The following CARF variants were observed in gnomAD, a reference collection of about 807,000 sequenced individuals.
CARF encodes calcium responsive transcription factor.
A neutral mutation model predicts 82.0 loss-of-function variants in CARF; 57 were observed. The ratio of observed to expected loss-of-function variants is 0.70; its 90% CI spans 0.56 to 0.87. The LOEUF (loss-of-function observed/expected upper bound fraction) is 0.87. CARF is among the 40% of genes least tolerant of loss of function. The pLI is 0.00. For missense variants in CARF, 771 were observed against 855.8 expected, an observed-to-expected ratio of 0.90 and a Z score of 1.24; for synonymous variants, 268 against 290.1, an observed-to-expected ratio of 0.92 and a Z score of 0.77.
chr2:202,964,260 G>A (rs766849160), intron 9 of CARF, among the ~76,000 whole-genome samples: 18 of 151,838 alleles, frequency 1.2e-4, no homozygotes, highest in Non-Finnish European at 2.5e-4. Context: ...ATTGCCAGAT[G>A]TTTAAAAATC....
In CARF at chr2:202,941,987, A is replaced by T. The variant is rs755597893; in HGVS notation, c.78+7A>T. The T allele has an allele frequency of 1.9e-6, 3 of 1,611,830 alleles. No individual in the cohort carries two copies. In the South Asian group the frequency reaches 3.3e-5, roughly 18 times the overall value. ...CAGTGCTCAAGTATTTGAGGTATGG[A>T]TTCAGCTGGGAACCTTTTTCCATCC... On this transcript the variant is annotated splice_region_variant and intron_variant, in intron 4 of 16. Coordinates refer to ENST00000438828, the MANE Select transcript of CARF (RefSeq NM_024744.17).
chr2:202,970,203 G>A, intron 11 of CARF, 141 bp downstream of exon 11: 1 of 753,026 alleles, frequency 1.3e-6, no homozygotes, highest in Non-Finnish European at 2.0e-6. Flanking sequence ...AGTTCCCTAG[G>A]TATTAAATTG....
chr2:202,931,348 A>G (rs1352840630), intron 3 of CARF, among the ~76,000 whole-genome samples: 2 of 152,164 alleles, frequency 1.3e-5, no homozygotes, highest in African/African-American at 4.8e-5. Flanking sequence ...ACATAAAACT[A>G]TATGTTAATT....
At chr2:202,916,936 C>T (rs1001683203) in intron 1 of CARF, among the ~76,000 whole-genome samples, 1 of 152,030 alleles carries the variant, frequency 6.6e-6, no homozygotes, top group African/African-American at 2.4e-5. Context: ...GCTCGCCGGG[C>T]GCGGTGGCTC....
Position 202,960,129 on chromosome 2 carries a change from G to C in CARF, c.643-1108G>C, listed in dbSNP as rs551950247. ...TCTAGGTATATGCTTTTCAAAAGGG[G>C]AAGCATAGTTACTAAATTCTGTGCC... On this transcript the variant is annotated intron_variant, in intron 8 of 16. Transcript: ENST00000438828. Among the ~76,000 whole-genome samples the C allele has an allele frequency of 2.0e-5, 3 of 152,294 alleles. No homozygotes were observed. In the South Asian group the frequency reaches 6.2e-4, roughly 32 times the overall value.
At chr2:202,953,416 A>G (rs1050342033) in intron 6 of CARF, among the ~76,000 whole-genome samples, 5 of 151,498 alleles carry the variant, frequency 3.3e-5, no homozygotes, top group Non-Finnish European at 5.9e-5. Context: ...TCAGATTCAG[A>G]AAAGAGAATC....
chr2:202,931,571 A>G (rs954822898), intron 3 of CARF, among the ~76,000 whole-genome samples: 2 of 152,130 alleles, frequency 1.3e-5, no homozygotes. Flanking sequence ...TGGTGGAACA[A>G]TTGCCTTTTC....
At chr2:202,913,141 G>T (rs1688948494) in intron 1 of CARF, 39 bp downstream of exon 1, 2 of 152,082 alleles carry the variant, frequency 1.3e-5, no homozygotes, top group African/African-American at 4.8e-5. Context: ...CCTTTTTTAC[G>T]TTGTTTAAAG....
chr2:202,945,912 A>G (rs2058474789), intron 5 of CARF, among the ~76,000 whole-genome samples: 1 of 152,126 alleles, frequency 6.6e-6, no homozygotes, highest in Non-Finnish European at 1.5e-5. Flanking sequence ...GGTTGAACAA[A>G]TTTACACTCC....
chr2:202,943,587 T>TACACACACACACACAC lies in CARF; in HGVS notation c.306+648_306+663dup, dbSNP rs754214990. Among the ~76,000 whole-genome samples, 752 of 115,130 alleles carry TACACACACACACACAC rather than the reference T, an allele frequency of 6.5e-3. 13 individuals are homozygous for TACACACACACACACAC. Among genetic ancestry groups the TACACACACACACACAC allele is most frequent in the African/African-American group, 0.016 (483 of 30,860 alleles). The allele number at this position is 115,130 out of a possible 152,430, so 75.5% of individuals were successfully genotyped here. A position where few individuals can be genotyped will look rare whatever the true frequency, so the allele number is the denominator to read the frequency against. ...CATGGAACTTACATTTAATGGAATGTACACACACACACACACACACACACA... is the reference window on the plus strand; with the variant it reads ...CATGGAACTTACATTTAATGGAATGTACACACACACACACACACACACACACACACACACACACACA... On this transcript the variant is annotated intron_variant, in intron 5 of 16. Coordinates refer to ENST00000438828, the MANE Select transcript of CARF (RefSeq NM_024744.17).
chr2:202,947,475 G>A (rs749818470), intron 5 of CARF, among the ~76,000 whole-genome samples: 5 of 151,858 alleles, frequency 3.3e-5, no homozygotes, highest in African/African-American at 7.3e-5. Flanking sequence ...AGGGCCTGTC[G>A]GGGGGGTAGG....
At chr2:202,964,952 A>C (rs1432208764) in intron 9 of CARF, among the ~76,000 whole-genome samples, 1 of 150,880 alleles carries the variant, frequency 6.6e-6, no homozygotes, top group Non-Finnish European at 1.5e-5. Flanking sequence ...TTAATAAGAA[A>C]ATTAACAGTA....
At chr2:202,928,933 T>C (rs985832327) in intron 3 of CARF, among the ~76,000 whole-genome samples, 9 of 152,104 alleles carry the variant, frequency 5.9e-5, no homozygotes, top group African/African-American at 2.2e-4. Context: ...TTTCACCATG[T>C]TGTCTAGGCT....
At chr2:202,939,832 A>G (rs1225542206) in intron 3 of CARF, among the ~76,000 whole-genome samples, 4 of 150,086 alleles carry the variant, frequency 2.7e-5, no homozygotes, top group African/African-American at 9.8e-5. Context: ...GGGACTGCAG[A>G]CCCACACCAC....
At chr2:202,943,630 A>ACAC (rs58097475) in intron 5 of CARF, among the ~76,000 whole-genome samples, 1 of 116,484 alleles carries the variant, frequency 8.6e-6, no homozygotes, top group Admixed American at 9.8e-5. Flanking sequence ...ACACACACAC[A>ACAC]TATTAGGCTA....
intron 13 of CARF, among the ~76,000 whole-genome samples, chr2:202,976,480 C>T (rs1021151612): frequency 6.6e-6 from 1 of 151,934 alleles, no homozygotes; most frequent in African/African-American, 2.4e-5. Flanking sequence ...GACCTTAACT[C>T]ATAGTTTGAT....
At chr2:202,927,874 C>G (rs1030674333) in intron 3 of CARF, among the ~76,000 whole-genome samples, 2 of 151,344 alleles carry the variant, frequency 1.3e-5, no homozygotes, top group Non-Finnish European at 2.9e-5. Flanking sequence ...GATCACAACT[C>G]CCTGCAGCCT....
chr2:202,945,234 C>T (rs1395822971), intron 5 of CARF, among the ~76,000 whole-genome samples: 1 of 152,134 alleles, frequency 6.6e-6, no homozygotes, highest in African/African-American at 2.4e-5. Flanking sequence ...ACTTCCTGTA[C>T]CTGCACGTGC....
intron 3 of CARF, among the ~76,000 whole-genome samples, chr2:202,941,535 T>A (rs1360517494): frequency 6.6e-6 from 1 of 152,152 alleles, no homozygotes; most frequent in Non-Finnish European, 1.5e-5. Context: ...ATTAAATCTC[T>A]GGTAATATGA....
Sources: gnomAD v4.1 joint callset for allele counts (sites outside exome capture counted in the v4.1 genomes callset) on GRCh38, gnomAD v4.1.1 for gene constraint, MANE v1.5 for transcripts, NCBI Gene and HGNC (gene_info 2026-07-23, HGNC 2026-07-21) for gene names.